ATP6V1H: variants seen among roughly 807,000 people sequenced by gnomAD.
ATP6V1H encodes the protein ATPase H+ transporting V1 subunit H.
In ATP6V1H, 39 loss-of-function variants were observed where a neutral mutation model predicts 71.7. The ratio of observed to expected loss-of-function variants is 0.54; its 90% CI spans 0.42 to 0.71. ATP6V1H has a LOEUF of 0.71. Ranked by LOEUF, ATP6V1H falls within the 30% of genes least tolerant of loss-of-function variation. The pLI, the probability that ATP6V1H is intolerant of heterozygous loss-of-function variation, is 0.00. For missense variants in ATP6V1H, 509 were observed against 594.9 expected (o/e 0.86, Z 1.50); for synonymous variants, 192 against 199.3 (o/e 0.96, Z 0.31).
intron 13 of ATP6V1H, among the ~76,000 whole-genome samples, chr8:53,740,779 A>G (rs1432708122): frequency 6.6e-6 from 1 of 152,244 alleles, no homozygotes; most frequent in Non-Finnish European, 1.5e-5. Context: ...ATTTGGGGAT[A>G]TACTTTGCAA....
At chr8:53,777,677 C>T (rs1808943968) in intron 9 of ATP6V1H, among the ~76,000 whole-genome samples, 1 of 152,184 alleles carries the variant, frequency 6.6e-6, no homozygotes, top group Non-Finnish European at 1.5e-5. Context: ...CAGTCTCTGT[C>T]ACAACTGCAC....
rs181491023 is a variant in ATP6V1H at position 53,786,558 on chromosome 8, T to C, written c.870+9089A>G. ...GCACACACTGTCTGGCACTCCCCAGTGAGATGAACCTGGTACCTCAGTTGG... is the reference window on the plus strand; with the variant it reads ...GCACACACTGTCTGGCACTCCCCAGCGAGATGAACCTGGTACCTCAGTTGG... On this transcript the variant is annotated intron_variant, in intron 9 of 13. Coordinates refer to ENST00000359530, the MANE Select transcript of ATP6V1H (RefSeq NM_015941.4). Among the ~76,000 whole-genome samples, 27 of 152,192 alleles carry C rather than the reference T, an allele frequency of 1.8e-4. 1 individual carries two copies. In the East Asian group the frequency reaches 5.2e-3, roughly 29 times the overall value.
At chr8:53,800,765 T>C (rs1210852048) in intron 8 of ATP6V1H, among the ~76,000 whole-genome samples, 1 of 152,244 alleles carries the variant, frequency 6.6e-6, no homozygotes, top group African/African-American at 2.4e-5. Flanking sequence ...AGGTTTGCTA[T>C]ATTTTAATTT....
At chr8:53,720,776 T>A (rs919615829) in intron 13 of ATP6V1H, among the ~76,000 whole-genome samples, 10 of 152,180 alleles carry the variant, frequency 6.6e-5, no homozygotes, top group African/African-American at 2.4e-4. Flanking sequence ...AACTACTAAG[T>A]CTCTTTTATT....
At chr8:53,755,162 A>G (rs2130244850) in intron 12 of ATP6V1H, among the ~76,000 whole-genome samples, 1 of 152,270 alleles carries the variant, frequency 6.6e-6, no homozygotes, top group Non-Finnish European at 1.5e-5. Context: ...CCTTTGAGGA[A>G]AGCTCTAGAG....
At chr8:53,730,627 G>A (rs574705114) in intron 13 of ATP6V1H, among the ~76,000 whole-genome samples, 2 of 152,252 alleles carry the variant, frequency 1.3e-5, no homozygotes, top group African/African-American at 4.8e-5. Context: ...CAGGGCTGCA[G>A]GGTCATAATG....
intron 12 of ATP6V1H, among the ~76,000 whole-genome samples, chr8:53,744,240 T>G (rs912600731): frequency 6.6e-6 from 1 of 152,080 alleles, no homozygotes; most frequent in Non-Finnish European, 1.5e-5. Context: ...ATATGCCATG[T>G]GACTTGGGCA....
chr8:53,830,119 T>A (rs183544602), intron 3 of ATP6V1H, among the ~76,000 whole-genome samples: 1 of 152,212 alleles, frequency 6.6e-6, no homozygotes, highest in Admixed American at 6.5e-5. Flanking sequence ...TGAACCTTAT[T>A]ATGGGGCCAA....
In ATP6V1H at chr8:53,756,599, A is replaced by G. The variant is rs1217981154; in HGVS notation, c.1233T>C (p.Ala411=). ...SDDPQVLAVA[A]HDVGEYVRHY... ...GCCGCACATATTCTCCAACATCGTG[A>G]GCAGCAACAGCTAAGACTTGGGGAT... Residue 411 remains alanine, a synonymous_variant, in exon 12 of 14, where the codon GCT becomes GCC. Transcript: ENST00000359530. 1 of 1,614,032 alleles carries G rather than the reference A, an allele frequency of 6.2e-7. No homozygotes were observed. Among genetic ancestry groups the G allele is most frequent in the Non-Finnish European group, 8.5e-7 (1 of 1,180,008 alleles).
chr8:53,840,049 G>T, intron 2 of ATP6V1H: 2 of 417,498 alleles, frequency 4.8e-6, no homozygotes, highest in Non-Finnish European at 6.4e-6. Flanking sequence ...TATTCCCAAG[G>T]CTGCTCCTAC....
intron 7 of ATP6V1H, among the ~76,000 whole-genome samples, chr8:53,802,780 G>A (rs928947099): frequency 5.9e-5 from 9 of 151,800 alleles, no homozygotes; most frequent in African/African-American, 1.9e-4. Context: ...GACAAACATA[G>A]GAACTCAATA....
intron 2 of ATP6V1H, among the ~76,000 whole-genome samples, chr8:53,837,631 G>A (rs1461765610): frequency 6.6e-6 from 1 of 152,176 alleles, no homozygotes; most frequent in East Asian, 1.9e-4. Flanking sequence ...AAGGAGCTGA[G>A]GTTTGCTATG....
intron 10 of ATP6V1H, 41 bp downstream of exon 10, chr8:53,771,948 C>T (rs1255240844): frequency 6.4e-7 from 1 of 1,564,312 alleles, no homozygotes; most frequent in Non-Finnish European, 8.7e-7. Flanking sequence ...CAAACAAAGC[C>T]CAACAGATCC....
intron 13 of ATP6V1H, among the ~76,000 whole-genome samples, chr8:53,738,195 G>T (rs913900443): frequency 6.6e-6 from 1 of 151,896 alleles, no homozygotes; most frequent in Admixed American, 6.6e-5. Context: ...TACTTGGGAG[G>T]CTGAGGCAGG....
At chr8:53,820,575 G>A (rs918302102) in intron 4 of ATP6V1H, among the ~76,000 whole-genome samples, 3 of 151,246 alleles carry the variant, frequency 2.0e-5, no homozygotes, top group East Asian at 1.9e-4. Context: ...GCTGAGGTGC[G>A]AGGATCGTTT....
At chr8:53,793,284 C>T (rs1412758858) in intron 9 of ATP6V1H, among the ~76,000 whole-genome samples, 2 of 152,072 alleles carry the variant, frequency 1.3e-5, no homozygotes, top group Non-Finnish European at 2.9e-5. Flanking sequence ...TATGCACTCC[C>T]AATATATAGG....
chr8:53,725,485 T>C (rs1377559769), intron 13 of ATP6V1H, among the ~76,000 whole-genome samples: 4 of 150,688 alleles, frequency 2.7e-5, no homozygotes, highest in Non-Finnish European at 5.9e-5. Context: ...CAGTGGTTTG[T>C]CTGTGGTTTG....
chr8:53,756,508 C>T (rs1188139634), intron 12 of ATP6V1H, 47 bp downstream of exon 12: 11 of 1,457,030 alleles, frequency 7.5e-6, no homozygotes, highest in Non-Finnish European at 1.1e-5. Flanking sequence ...TAGGACTCTA[C>T]ACTGAAGGTT....
intron 6 of ATP6V1H, among the ~76,000 whole-genome samples, chr8:53,814,448 C>T (rs1258045122): frequency 6.6e-6 from 1 of 151,924 alleles, no homozygotes; most frequent in Non-Finnish European, 1.5e-5. Flanking sequence ...CCCCAAGTGG[C>T]AGAAAAGACA....
Sources: gnomAD v4.1 joint callset for allele counts (sites outside exome capture counted in the v4.1 genomes callset) on GRCh38, gnomAD v4.1.1 for gene constraint, MANE v1.5 for transcripts, NCBI Gene and HGNC (gene_info 2026-07-23, HGNC 2026-07-21) for gene names.